ITGB8: variants seen among roughly 807,000 people sequenced by gnomAD.
ITGB8 encodes the protein integrin beta-8.
ITGB8 carries 30 observed loss-of-function variants against 89.5 expected under a neutral mutation model. That is an observed-to-expected ratio of 0.34 (90% CI 0.25 to 0.45). The LOEUF (loss-of-function observed/expected upper bound fraction) is 0.45, where lower values mean the gene tolerates loss of function less well. ITGB8 is among the 20% of genes least tolerant of loss of function. The probability of loss-of-function intolerance (pLI) is 1.00; values close to 1 mark genes in which losing one functional copy is unlikely to be tolerated. For synonymous variants in ITGB8, 335 were observed against 320.4 expected, an observed-to-expected ratio of 1.05 and a Z score of -0.49; for missense variants, 836 against 933.3, an observed-to-expected ratio of 0.90 and a Z score of 1.36.
rs913402572 is a variant in ITGB8 at position 20,415,127 on chromosome 7, T to C, written c.*5130T>C. The C allele has an allele frequency of 1.3e-5, 2 of 152,534 alleles. No individual in the cohort carries two copies. The highest frequency in any genetic ancestry group is 4.8e-5 in the African/African-American group (2 of 41,444). 9.4% of individuals were successfully genotyped at this position (152,534 alleles called of 1,614,324 possible). A position where few individuals can be genotyped will look rare whatever the true frequency, so the allele number is the denominator to read the frequency against. Reference sequence around the variant, plus strand: ...GCAATGACAAGTATGGTACATAAATTTTATTAAGAATATTGAGTATAAAGT... The same window carrying C: ...GCAATGACAAGTATGGTACATAAATCTTATTAAGAATATTGAGTATAAAGT... On this transcript the variant is annotated 3_prime_UTR_variant, in exon 14 of 14. Transcript: ENST00000222573.
chr7:20,335,423 A>G (rs1376617473), intron 1 of ITGB8, among the ~76,000 whole-genome samples: 1 of 152,244 alleles, frequency 6.6e-6, no homozygotes, highest in Non-Finnish European at 1.5e-5. Flanking sequence ...GAGAAAAACA[A>G]CATGAGTAAA....
intron 4 of ITGB8, chr7:20,380,382 T>C: frequency 3.4e-6 from 1 of 297,462 alleles, no homozygotes; most frequent in Non-Finnish European, 6.2e-6. Flanking sequence ...ACAGCGCAGA[T>C]TAAATATTGA....
At chr7:20,397,609 G>C (rs1787140910) in intron 8 of ITGB8, among the ~76,000 whole-genome samples, 1 of 152,158 alleles carries the variant, frequency 6.6e-6, no homozygotes, top group Non-Finnish European at 1.5e-5. Flanking sequence ...TGATCTGCTG[G>C]TTTTCCACAT....
chr7:20,381,957 C>A, intron 6 of ITGB8, 72 bp downstream of exon 6: 1 of 1,302,240 alleles, frequency 7.7e-7, no homozygotes, highest in Non-Finnish European at 1.1e-6. Context: ...GGCAACTCAA[C>A]TATTTTTGTA....
At chr7:20,409,492 G>C (rs1312862885) in intron 12 of ITGB8, 123 bp from the exon 13 acceptor site, 1 of 654,354 alleles carries the variant, frequency 1.5e-6, no homozygotes, top group Non-Finnish European at 2.5e-6. Context: ...ATCCCGATTT[G>C]AAAATGGAGA....
intron 1 of ITGB8, among the ~76,000 whole-genome samples, chr7:20,347,621 G>C (rs1039733503): frequency 1.3e-5 from 2 of 152,182 alleles, no homozygotes; most frequent in Non-Finnish European, 2.9e-5. Flanking sequence ...GTAATTAATG[G>C]AATACATCAT....
At chr7:20,365,791 T>C (rs1277477587) in intron 2 of ITGB8, 1 of 152,178 alleles carries the variant, frequency 6.6e-6, no homozygotes, top group Non-Finnish European at 1.5e-5. Context: ...GAATGTATTA[T>C]TTAATTTTGG....
chr7:20,339,083 T>C (rs1005182165), intron 1 of ITGB8, among the ~76,000 whole-genome samples: 45 of 151,178 alleles, frequency 3.0e-4, no homozygotes, highest in African/African-American at 1.1e-3. Context: ...TCCCAGCTAC[T>C]CAGGAGGCTG....
Position 20,401,744 on chromosome 7 carries a change from A to T in ITGB8, c.1305A>T (p.Thr435=), listed in dbSNP as rs762105993. The T allele has an allele frequency of 3.2e-6, 5 of 1,570,228 alleles. No individual in the cohort carries two copies. In the Admixed American group the frequency reaches 1.0e-4, roughly 32 times the overall value. ...NDEVLFNVTV[T]MKKCDVTGGK... ...AGGTTCTTTTCAATGTAACAGTTAC[A>T]ATGAAAAAATGTGATGTCACAGGAG... The change falls in exon 10 of 14, where the codon ACA becomes ACT. Residue 435 remains threonine, a synonymous_variant. Transcript: ENST00000222573.
At chr7:20,368,708 TTTTA>T (rs1001018630) in intron 3 of ITGB8, among the ~76,000 whole-genome samples, 10 of 152,198 alleles carry the variant, frequency 6.6e-5, no homozygotes, top group African/African-American at 9.6e-5. Flanking sequence ...ATAAGCTGCA[TTTTA>T]TTTATTTATT....
At chr7:20,338,724 T>G (rs1047163865) in intron 1 of ITGB8, among the ~76,000 whole-genome samples, 1 of 152,214 alleles carries the variant, frequency 6.6e-6, no homozygotes, top group Non-Finnish European at 1.5e-5. Context: ...CTGGTAGTCT[T>G]GACTACCTCA....
chr7:20,371,583 GAGA>G (rs1324018444), intron 3 of ITGB8, among the ~76,000 whole-genome samples: 1 of 152,022 alleles, frequency 6.6e-6, no homozygotes, highest in Non-Finnish European at 1.5e-5. Flanking sequence ...CGAATAAATG[GAGA>G]AGAATTTTAT....
At chr7:20,380,560 A>T (rs535753264) in intron 4 of ITGB8, 106 bp from the exon 5 acceptor site, 2 of 901,982 alleles carry the variant, frequency 2.2e-6, no homozygotes, top group Non-Finnish European at 3.5e-6. Context: ...TCCCTGGCAC[A>T]AAAGAAGTAC....
chr7:20,331,218 G>A lies in ITGB8; in HGVS notation c.-589G>A, dbSNP rs914327528. The stretch of plus-strand genomic sequence containing the variant: ...GTCTTTGCCCGCTGCTCCGCAGACG[G>A]GGCTGCAAAGCTGCAACTAATGGTG... On this transcript the variant is annotated 5_prime_UTR_variant, in exon 1 of 14. Coordinates refer to ENST00000222573, the MANE Select transcript of ITGB8 (RefSeq NM_002214.3). The A allele has an allele frequency of 4.6e-6, 1 of 217,392 alleles. No individual in the cohort carries two copies. Among genetic ancestry groups the A allele is most frequent in the African/African-American group, 2.3e-5 (1 of 44,082 alleles). The allele number at this position is 217,392 out of a possible 1,614,324, so 13.5% of individuals were successfully genotyped here.
chr7:20,362,414 C>G (rs1344580828), intron 1 of ITGB8, among the ~76,000 whole-genome samples: 1 of 152,106 alleles, frequency 6.6e-6, no homozygotes, highest in African/African-American at 2.4e-5. Context: ...AAGGGATGAA[C>G]TTGGATTAGA....
At chr7:20,382,382 A>T (rs1161179179) in intron 6 of ITGB8, among the ~76,000 whole-genome samples, 1 of 152,170 alleles carries the variant, frequency 6.6e-6, no homozygotes, top group African/African-American at 2.4e-5. Context: ...CATCTTATCT[A>T]TTTAAGGTCT....
At chr7:20,384,477 T>C (rs555418504) in intron 6 of ITGB8, among the ~76,000 whole-genome samples, 15 of 152,344 alleles carry the variant, frequency 9.8e-5, no homozygotes, top group Non-Finnish European at 2.2e-4. Flanking sequence ...GAAAGCACTG[T>C]AGCAATCACT....
chr7:20,361,967 A>G (rs1785518282), intron 1 of ITGB8, among the ~76,000 whole-genome samples: 1 of 152,230 alleles, frequency 6.6e-6, no homozygotes, highest in South Asian at 2.1e-4. Context: ...GTGAAGGACA[A>G]GGCATAGAAG....
intron 10 of ITGB8, among the ~76,000 whole-genome samples, chr7:20,402,433 C>T (rs1787352937): frequency 6.6e-6 from 1 of 152,154 alleles, no homozygotes; most frequent in Non-Finnish European, 1.5e-5. Flanking sequence ...TGATATCTGA[C>T]ACATTTTCCA....
Sources: gnomAD v4.1 joint callset for allele counts (sites outside exome capture counted in the v4.1 genomes callset) on GRCh38, gnomAD v4.1.1 for gene constraint, MANE v1.5 for transcripts, NCBI Gene and HGNC (gene_info 2026-07-23, HGNC 2026-07-21) for gene names.